The following PCDH15 variants were observed in gnomAD, a reference collection of about 807,000 sequenced individuals.
PCDH15 encodes protocadherin related 15.
Under a neutral mutation model 178.5 loss-of-function variants are expected in PCDH15, and 129 were observed. The ratio of observed to expected loss-of-function variants is 0.72; its 90% CI spans 0.63 to 0.84. The LOEUF is 0.84. PCDH15 is among the 40% of genes least tolerant of loss of function. The pLI is 0.00. For missense variants in PCDH15, 2,230 were observed against 2,099.9 expected, an observed-to-expected ratio of 1.06 and a Z score of -1.21; for synonymous variants, 800 against 732.0, an observed-to-expected ratio of 1.09 and a Z score of -1.50.
chr10:55,175,663 C>CAAAAAAAAAAAAAAAAAAAAAAAA (rs71014459), intron 1 of PCDH15, among the ~76,000 whole-genome samples: 4 of 106,672 alleles, frequency 3.7e-5, no homozygotes, highest in Non-Finnish European at 5.6e-5. Flanking sequence ...GACTCTGTCT[C>CAAAAAAAAAAAAAAAAAAAAAAAA]AAAAAAAAAA....
intron 3 of PCDH15, among the ~76,000 whole-genome samples, chr10:54,806,402 C>T (rs951420098): frequency 6.6e-6 from 1 of 151,728 alleles, no homozygotes; most frequent in East Asian, 1.9e-4. Context: ...GTTCTCTTCT[C>T]AAGGCTCAGC....
At chr10:54,820,014 GA>G (rs10712301) in intron 3 of PCDH15, among the ~76,000 whole-genome samples, 150,096 of 151,602 alleles carry the variant, frequency 0.99, 74,317 homozygotes, top group Non-Finnish European at 1. Context: ...TAAGTTTCTG[GA>G]AAAAAAAAAT....
At chr10:55,066,774 G>GTTTTTA (rs1395059538) in intron 2 of PCDH15, among the ~76,000 whole-genome samples, 85 of 150,466 alleles carry the variant, frequency 5.6e-4, no homozygotes, top group African/African-American at 1.9e-3. Flanking sequence ...ATTACATGAG[G>GTTTTTA]TTTTTATTTT....
At chr10:55,119,517 A>T (rs1413494802) in intron 2 of PCDH15, among the ~76,000 whole-genome samples, 1 of 151,548 alleles carries the variant, frequency 6.6e-6, no homozygotes, top group Non-Finnish European at 1.5e-5. Flanking sequence ...AGGTAAGCAA[A>T]CCTAATTAAT....
intron 25 of PCDH15, among the ~76,000 whole-genome samples, chr10:53,903,947 A>G (rs1158993536): frequency 6.6e-6 from 1 of 152,148 alleles, no homozygotes; most frequent in Admixed American, 6.5e-5. Flanking sequence ...AGAGGCTAAC[A>G]TTCATTGAAA....
Position 54,693,223 on chromosome 10 carries a change from G to A in PCDH15, c.-28-28933C>T, listed in dbSNP as rs201748611. On this transcript the variant is annotated intron_variant, in intron 1 of 37. Coordinates refer to ENST00000644397, the MANE Select transcript of PCDH15 (RefSeq NM_001384140.1). Reference sequence around the variant, plus strand: ...CTCCTTACCCTTCTCTTTTTACACCGAGAAGAATTATCACTTTGACAACTG... The same window carrying A: ...CTCCTTACCCTTCTCTTTTTACACCAAGAAGAATTATCACTTTGACAACTG... Among the ~76,000 whole-genome samples the A allele has an allele frequency of 1.1e-4, 17 of 151,610 alleles. No individual in the cohort carries two copies. In the East Asian group the frequency reaches 2.9e-3, roughly 26 times the overall value.
At chr10:54,912,972 C>T (rs1954843528) in intron 2 of PCDH15, among the ~76,000 whole-genome samples, 2 of 152,074 alleles carry the variant, frequency 1.3e-5, no homozygotes. Context: ...CTGGCTGCTT[C>T]TGAAAGCCTA....
intron 2 of PCDH15, among the ~76,000 whole-genome samples, chr10:55,532,532 T>C (rs1042125329): frequency 3.3e-5 from 5 of 152,190 alleles, no homozygotes; most frequent in African/African-American, 9.6e-5. Context: ...ACTTAGAAAC[T>C]AGTAATTTGA....
At chr10:55,382,897 G>A (rs1837571230) in intron 2 of PCDH15, among the ~76,000 whole-genome samples, 1 of 152,176 alleles carries the variant, frequency 6.6e-6, no homozygotes, top group South Asian at 2.1e-4. Flanking sequence ...GCACTTTTGT[G>A]CTCCAGGCCC....
chr10:55,470,242 C>T (rs1290648082), intron 2 of PCDH15, among the ~76,000 whole-genome samples: 3 of 151,564 alleles, frequency 2.0e-5, no homozygotes, highest in South Asian at 4.2e-4. Flanking sequence ...CTCAGCTACT[C>T]GGAGGCTGAG....
intron 2 of PCDH15, among the ~76,000 whole-genome samples, chr10:55,582,961 TAA>T (rs1215571269): frequency 6.6e-6 from 1 of 152,110 alleles, no homozygotes; most frequent in Non-Finnish European, 1.5e-5. Context: ...TCCTTTTTAT[TAA>T]GTTATCATGA....
chr10:53,941,033 T>G (rs2086017349), intron 23 of PCDH15, 58 bp from the exon 24 acceptor site: 1 of 1,213,962 alleles, frequency 8.2e-7, no homozygotes, highest in Admixed American at 1.8e-5. Flanking sequence ...GATGTAACTT[T>G]ACGTTCACAG....
chr10:53,838,220 C>T (rs1268847513), intron 29 of PCDH15, among the ~76,000 whole-genome samples: 2 of 151,972 alleles, frequency 1.3e-5, no homozygotes, highest in Non-Finnish European at 2.9e-5. Flanking sequence ...CGTGATCCAC[C>T]CACCTCGGCC....
chr10:55,014,676 G>T (rs1246079576), intron 2 of PCDH15, among the ~76,000 whole-genome samples: 1 of 152,032 alleles, frequency 6.6e-6, no homozygotes, highest in Non-Finnish European at 1.5e-5. Flanking sequence ...GAATAACAAA[G>T]AAATCAGCAT....
intron 2 of PCDH15, among the ~76,000 whole-genome samples, chr10:55,039,952 G>C (rs1324349037): frequency 2.0e-5 from 3 of 151,812 alleles, no homozygotes; most frequent in Non-Finnish European, 2.9e-5. Context: ...TCAAACCATA[G>C]GTATCCCATA....
intron 2 of PCDH15, among the ~76,000 whole-genome samples, chr10:55,583,085 C>T (rs1842655969): frequency 6.6e-6 from 1 of 152,076 alleles, no homozygotes; most frequent in Non-Finnish European, 1.5e-5. Flanking sequence ...TCAATCTTTA[C>T]TTCATTATAA....
At chr10:55,170,144 T>C (rs1435641614) in intron 1 of PCDH15, among the ~76,000 whole-genome samples, 1 of 151,976 alleles carries the variant, frequency 6.6e-6, no homozygotes, top group African/African-American at 2.4e-5. Context: ...GTGGGTTTTG[T>C]TTTATTTGTT....
At chr10:55,250,961 G>A (rs936094656) in intron 1 of PCDH15, among the ~76,000 whole-genome samples, 1 of 151,950 alleles carries the variant, frequency 6.6e-6, no homozygotes, top group Non-Finnish European at 1.5e-5. Context: ...CCCTATGTTT[G>A]AAATTATCTT....
In PCDH15 at chr10:55,018,801, T is replaced by C. The variant is rs116619344; in HGVS notation, c.-79-121301A>G. Among the ~76,000 whole-genome samples the C allele has an allele frequency of 6.1e-3, 933 of 152,250 alleles. 11 individuals carry two copies. Among genetic ancestry groups the C allele is most frequent in the African/African-American group, 0.022 (903 of 41,574 alleles). ...GAGCAGCTAGAACATTTTGTTGACA[T>C]TGAGGCTAGATGTTGTGGAATTCCC... On this transcript the variant is annotated intron_variant, in intron 2 of 5. Coordinates refer to the PCDH15 transcript ENST00000458638.
Sources: gnomAD v4.1 joint callset for allele counts (sites outside exome capture counted in the v4.1 genomes callset) on GRCh38, gnomAD v4.1.1 for gene constraint, MANE v1.5 for transcripts, NCBI Gene and HGNC (gene_info 2026-07-23, HGNC 2026-07-21) for gene names.